Variants in AGMO observed in about 807,000 individuals in gnomAD.
AGMO encodes alkylglycerol monooxygenase.
AGMO carries 75 observed loss-of-function variants against 60.2 expected under a neutral mutation model. The observed-to-expected ratio is 1.25, with a 90% CI of 1.03 to 1.51. The LOEUF (loss-of-function observed/expected upper bound fraction) is 1.51, where lower values mean the gene tolerates loss of function less well. AGMO is among the 40% of genes most tolerant of loss of function. The pLI is 0.00. For missense variants in AGMO, 763 were observed against 525.5 expected (o/e 1.45, Z -4.42); for synonymous variants, 261 against 177.1 (o/e 1.47, Z -3.76).
At chr7:15,203,082 T>C (rs1373916153) in intron 12 of AGMO, among the ~76,000 whole-genome samples, 1 of 152,134 alleles carries the variant, frequency 6.6e-6, no homozygotes, top group Non-Finnish European at 1.5e-5. Flanking sequence ...TAGAAGTCTT[T>C]ATTGGTTACA....
At chr7:15,530,798 C>CTATATATAT (rs1208960356) in intron 3 of AGMO, among the ~76,000 whole-genome samples, 38 of 105,810 alleles carry the variant, frequency 3.6e-4, no homozygotes, top group African/African-American at 1.7e-3. Context: ...ATATACATTT[C>CTATATATAT]TCTATATATT....
chr7:15,365,152 TA>T (rs1217780397), intron 12 of AGMO, among the ~76,000 whole-genome samples: 2 of 151,852 alleles, frequency 1.3e-5, no homozygotes, highest in Non-Finnish European at 2.9e-5. Flanking sequence ...TTAAAAGCTT[TA>T]AAAAAATCTC....
intron 12 of AGMO, among the ~76,000 whole-genome samples, chr7:15,269,428 T>C (rs372270595): frequency 3.3e-5 from 5 of 151,906 alleles, no homozygotes; most frequent in Admixed American, 6.6e-5. Flanking sequence ...CCGGTCCCAA[T>C]AGAATCAGAG....
chr7:15,470,282 C>A (rs1186321330), intron 3 of AGMO, among the ~76,000 whole-genome samples: 1 of 151,888 alleles, frequency 6.6e-6, no homozygotes, highest in Non-Finnish European at 1.5e-5. Flanking sequence ...CTGCTGGAAA[C>A]AAAAACTAGA....
At chr7:15,302,252 G>A (rs1780467173) in intron 12 of AGMO, among the ~76,000 whole-genome samples, 2 of 151,946 alleles carry the variant, frequency 1.3e-5, no homozygotes, top group Admixed American at 1.3e-4. Context: ...TTTTACCTCT[G>A]AAATAAACAT....
intron 3 of AGMO, among the ~76,000 whole-genome samples, chr7:15,539,892 T>C (rs1017332588): frequency 3.3e-5 from 5 of 151,478 alleles, no homozygotes; most frequent in African/African-American, 1.2e-4. Context: ...TGATTAGTGA[T>C]GTTGAGCTTT....
intron 12 of AGMO, among the ~76,000 whole-genome samples, chr7:15,345,361 G>T (rs548671382): frequency 6.6e-6 from 1 of 152,216 alleles, no homozygotes; most frequent in East Asian, 1.9e-4. Flanking sequence ...GACCAAGCTT[G>T]GTCTGGATGC....
chr7:15,531,002 ATAT>A (rs1375494800), intron 3 of AGMO, among the ~76,000 whole-genome samples: 15 of 48,488 alleles, frequency 3.1e-4, no homozygotes, highest in South Asian at 4.7e-4. Flanking sequence ...TATATTCTAT[ATAT>A]TCTATATATA....
chr7:15,135,979 C>CTTTTTTTTTTTTTTTTTTTTGTTTTT, the AGMO span, among the ~76,000 whole-genome samples: 3 of 106,870 alleles, frequency 2.8e-5, no homozygotes, highest in Non-Finnish European at 3.6e-5. Flanking sequence ...TTTTTCTTTT[C>CTTTTTTTTTTTTTTTTTTTTGTTTTT]TTTTTTTTTT....
intron 12 of AGMO, among the ~76,000 whole-genome samples, chr7:15,320,482 C>T (rs533393461): frequency 1.8e-4 from 28 of 151,998 alleles, no homozygotes; most frequent in Middle Eastern, 3.4e-3. Context: ...ATTAACTTTA[C>T]AAAAAAGTTA....
At chr7:15,504,681 A>C (rs1378883018) in intron 3 of AGMO, among the ~76,000 whole-genome samples, 1 of 151,862 alleles carries the variant, frequency 6.6e-6, no homozygotes, top group East Asian at 1.9e-4. Context: ...TAAATAGATA[A>C]CAGTACTTTC....
the AGMO span, among the ~76,000 whole-genome samples, chr7:15,174,978 T>A: frequency 3.9e-4 from 59 of 150,594 alleles, no homozygotes; most frequent in African/African-American, 1.4e-3. Flanking sequence ...CTATCTAGAA[T>A]GAATGAGTTT....
intron 6 of AGMO, among the ~76,000 whole-genome samples, chr7:15,393,322 T>C (rs899517886): frequency 3.9e-5 from 6 of 152,158 alleles, no homozygotes; most frequent in African/African-American, 1.4e-4. Context: ...AACAGAACAA[T>C]AGCATTTACT....
chr7:15,197,607 G>T (rs1781152554), downstream of AGMO, among the ~76,000 whole-genome samples: 1 of 152,140 alleles, frequency 6.6e-6, no homozygotes, highest in Middle Eastern at 3.2e-3. Context: ...GAGCAAGTCT[G>T]GAGGAAACTG....
At chr7:15,421,910 G>T (rs2128495229) in intron 4 of AGMO, among the ~76,000 whole-genome samples, 1 of 152,242 alleles carries the variant, frequency 6.6e-6, no homozygotes, top group African/African-American at 2.4e-5. Flanking sequence ...AAGTCAGAAA[G>T]AGTTGCAGTA....
At chr7:15,469,441 C>T (rs1782380946) in intron 3 of AGMO, among the ~76,000 whole-genome samples, 1 of 152,054 alleles carries the variant, frequency 6.6e-6, no homozygotes, top group Non-Finnish European at 1.5e-5. Context: ...ATGTACTGTA[C>T]CATTGATTAT....
Position 15,441,566 on chromosome 7 carries a change from A to G in AGMO, c.410-10458T>C, listed in dbSNP as rs76594863. Among the ~76,000 whole-genome samples, 148 of 152,288 alleles carry G rather than the reference A, an allele frequency of 9.7e-4. 2 individuals carry two copies. In the East Asian group the frequency reaches 0.025, roughly 26 times the overall value. ...ATTTGGCAGCCATAATAACCTGAGT[A>G]GCACAATTAGGAGGCAGAAATCATG... On this transcript the variant is annotated intron_variant, in intron 3 of 12. Coordinates refer to ENST00000342526, the MANE Select transcript of AGMO (RefSeq NM_001004320.2).
At chr7:15,556,137 C>G (rs919276515) in intron 2 of AGMO, among the ~76,000 whole-genome samples, 1 of 151,560 alleles carries the variant, frequency 6.6e-6, no homozygotes, top group African/African-American at 2.4e-5. Flanking sequence ...TATAAAAACC[C>G]AGTATACAAT....
intron 11 of AGMO, 26 bp from the exon 12 acceptor site, chr7:15,365,645 A>G (rs1271156220): frequency 1.3e-6 from 2 of 1,500,916 alleles, no homozygotes; most frequent in Non-Finnish European, 1.9e-6. Flanking sequence ...ATTAACATGC[A>G]TTAGCTTTAA....
Sources: gnomAD v4.1 joint callset for allele counts (sites outside exome capture counted in the v4.1 genomes callset) on GRCh38, gnomAD v4.1.1 for gene constraint, MANE v1.5 for transcripts, NCBI Gene and HGNC (gene_info 2026-07-23, HGNC 2026-07-21) for gene names.